Variants in VPS51 observed in about 807,000 individuals in gnomAD.
The protein encoded by VPS51 is vacuolar protein sorting-associated protein 51 homolog.
A neutral mutation model predicts 65.1 loss-of-function variants in VPS51; 55 were observed. The observed-to-expected ratio is 0.84, with a 90% CI of 0.68 to 1.06. The LOEUF (loss-of-function observed/expected upper bound fraction) is 1.06, where lower values mean the gene tolerates loss of function less well. Ranked by LOEUF, VPS51 falls within the 50% of genes least tolerant of loss-of-function variation. VPS51 has a pLI of 0.00. For synonymous variants in VPS51, 473 were observed against 489.5 expected, an observed-to-expected ratio of 0.97 and a Z score of 0.44; for missense variants, 943 against 1,101.6, an observed-to-expected ratio of 0.86 and a Z score of 2.04.
intron 7 of VPS51, 151 bp from the exon 8 acceptor site, chr11:65,110,331 C>A: frequency 7.5e-7 from 1 of 1,327,612 alleles, no homozygotes; most frequent in Non-Finnish European, 1.1e-6. Flanking sequence ...CTATAAATAG[C>A]GACCATGTAC....
Position 65,110,539 on chromosome 11 carries a change from A to G in VPS51, c.1936A>G (p.Arg646Gly), listed in dbSNP as rs1407092714. The change falls in exon 8 of 10, where the codon AGG becomes GGG. Residue 646 changes from arginine (R) to glycine (G), a missense_variant. By Grantham distance (125) the Arg-to-Gly change is moderately radical. This residue lies in a region of VPS51 where 855 missense variants were observed against 953.7 expected (regional missense o/e 0.90). Coordinates refer to ENST00000279281, the MANE Select transcript of VPS51 (RefSeq NM_013265.4). Reference sequence around the variant, plus strand: ...GGCCCAGAGCAGCGACTCCAGCAAGAGGACTTTCTCCGTGTACAGCAGCTC... The same window carrying G: ...GGCCCAGAGCAGCGACTCCAGCAAGGGGACTTTCTCCGTGTACAGCAGCTC... Reference protein sequence around the residue: ...RKAQSSDSSKRTFSVYSSSRQ... With the variant: ...RKAQSSDSSKGTFSVYSSSRQ... The G allele has an allele frequency of 6.2e-7, 1 of 1,614,064 alleles. No individual in the cohort carries two copies. Among genetic ancestry groups the G allele is most frequent in the Admixed American group, 1.7e-5 (1 of 60,030 alleles).
intron 2 of VPS51, among the ~76,000 whole-genome samples, chr11:65,105,976 A>G: frequency 6.6e-6 from 1 of 152,230 alleles, no homozygotes; most frequent in East Asian, 1.9e-4. Context: ...GAGCCTCCAG[A>G]GCTGAGATCG....
intron 7 of VPS51, 125 bp from the exon 8 acceptor site, chr11:65,110,357 C>A: frequency 6.6e-7 from 1 of 1,514,334 alleles, no homozygotes; most frequent in Non-Finnish European, 9.0e-7. Context: ...AAATAGCGGG[C>A]CCCGCGGTGA....
Position 65,109,752 on chromosome 11 carries a change from G to A in VPS51, c.1707G>A (p.Arg569=), listed in dbSNP as rs1422339929. 13 of 1,596,208 alleles carry A rather than the reference G, an allele frequency of 8.1e-6. No homozygotes were observed. Among genetic ancestry groups the A allele is most frequent in the African/African-American group, 1.3e-5 (1 of 74,776 alleles). Residue 569 remains arginine, a synonymous_variant, in exon 7 of 10, where the codon AGG becomes AGA. Transcript: ENST00000279281. ...TPVSTLCAEA[R]ETARRLLTHY... ...TGAGCACGCTGTGTGCAGAGGCCAG[G>A]GAAACGGCGCGGCGGCTGCTGACCC...
Position 65,096,316 on chromosome 11 carries a change from C to G in VPS51, c.66C>G (p.Pro22=), listed in dbSNP as rs1947767717. The change falls in exon 1 of 10, where the codon CCC becomes CCG. Residue 22 remains proline, a synonymous_variant. Transcript: ENST00000279281. The part of the protein sequence containing the change: ...GSGPGDSPEG[P]EGEAPERRRK... Reference sequence around the variant, plus strand: ...GACCTGGGGACTCCCCAGAAGGGCCCGAGGGGGAGGCTCCGGAGCGTCGGC... The same window carrying G: ...GACCTGGGGACTCCCCAGAAGGGCCGGAGGGGGAGGCTCCGGAGCGTCGGC... 1.3e-6 allele frequency: 2 copies of G among 1,507,332 alleles called. No individual in the cohort carries two copies. The highest frequency in any genetic ancestry group is 2.9e-5 in the African/African-American group (2 of 69,434). The allele number at this position is 1,507,332 out of a possible 1,614,324, so 93.4% of individuals were successfully genotyped here. A position where few individuals can be genotyped will look rare whatever the true frequency, so the allele number is the denominator to read the frequency against.
chr11:65,105,050 C>T (rs1052985781), intron 2 of VPS51, among the ~76,000 whole-genome samples: 1 of 152,178 alleles, frequency 6.6e-6, no homozygotes, highest in African/African-American at 2.4e-5. Context: ...TGGTATTTTA[C>T]CCATGCTGCA....
chr11:65,107,915 G>A lies in VPS51; in HGVS notation c.618G>A (p.Ala206=), dbSNP rs547175206. 1.2e-5 allele frequency: 19 copies of A among 1,555,184 alleles called. No individual in the cohort carries two copies. In the African/African-American group the frequency reaches 1.9e-4, roughly 16 times the overall value. The change falls in exon 4 of 10, where the codon GCG becomes GCA. Residue 206 remains alanine (A), a synonymous_variant. Transcript: ENST00000279281. This position sits in a 1 kb window ranked among gnomAD's most constrained non-coding sequence, Gnocchi z 4.0. ...YGQAVRYQGR[A]QAVLQQYQHL... is the part of the protein sequence containing the mutation. ...AGGCGGTGCGCTACCAGGGCCGCGC[G>A]CAGGCCGTGCTGCAGCAGTACCAAC...
chr11:65,097,992 G>A (rs2137179115), intron 2 of VPS51, among the ~76,000 whole-genome samples: 1 of 152,250 alleles, frequency 6.6e-6, no homozygotes, highest in East Asian at 1.9e-4. Context: ...GACCAGCCTG[G>A]CCAATATGGT....
chr11:65,101,920 C>T (rs919315735), intron 2 of VPS51, among the ~76,000 whole-genome samples: 12 of 151,922 alleles, frequency 7.9e-5, no homozygotes, highest in African/African-American at 2.9e-4. Context: ...CCTGAGCCTC[C>T]TACCAGTTAC....
intron 1 of VPS51, chr11:65,096,755 C>CGGGGCTG (rs1947773022): frequency 1.5e-6 from 1 of 670,502 alleles, no homozygotes; most frequent in Non-Finnish European, 2.5e-6. Context: ...TTGACAGGCG[C>CGGGGCTG]GGGGCTGGGC....
At chr11:65,097,921 C>T (rs1947781749) in intron 2 of VPS51, among the ~76,000 whole-genome samples, 1 of 152,094 alleles carries the variant, frequency 6.6e-6, no homozygotes. Context: ...GTGGCTCATG[C>T]CTGTAATCCC....
rs1185349714 is a variant in VPS51, at chr11:65,109,860, G to T, written c.1815G>T (p.Glu605Asp). Residue 605 changes from glutamate to aspartate, a missense_variant, in exon 7 of 10, where the codon GAG becomes GAT. Transcript: ENST00000279281. Reference sequence around the variant, plus strand: ...CTCGCGACTGGCTCAGCACTCTGGAGCCCCGGAATGTGCGGGCCGTCATGA... The same window carrying T: ...CTCGCGACTGGCTCAGCACTCTGGATCCCCGGAATGTGCGGGCCGTCATGA... ...VETRDWLSTLEPRNVRAVMKR... is the reference protein window; with the variant it reads ...VETRDWLSTLDPRNVRAVMKR... The T allele has an allele frequency of 6.2e-7, 1 of 1,611,876 alleles. No homozygotes were observed.
At position 65,096,428 on chromosome 11, in the gene VPS51, C is replaced by A. The variant is rs781448808; in HGVS notation, c.178C>A (p.Pro60Thr). The change falls in exon 1 of 10, where the codon CCG (proline) becomes ACG (threonine). Residue 60 changes from proline (P) to threonine (T), a missense_variant. Coordinates refer to ENST00000279281, the MANE Select transcript of VPS51 (RefSeq NM_013265.4). ...GRPAGPDPLDPTDLNGAHFDP... is the reference protein window; with the variant it reads ...GRPAGPDPLDTTDLNGAHFDP... ...CCCCGCGGGGCCCGACCCCCTGGACCCGACTGATCTGAACGGGGCGCACTT... is the reference window on the plus strand; with the variant it reads ...CCCCGCGGGGCCCGACCCCCTGGACACGACTGATCTGAACGGGGCGCACTT... The A allele has an allele frequency of 1.9e-6, 3 of 1,557,374 alleles. No individual in the cohort carries two copies. Among genetic ancestry groups the A allele is most frequent in the Non-Finnish European group, 2.6e-6 (3 of 1,159,356 alleles).
chr11:65,104,982 G>A (rs1947832147), intron 2 of VPS51, among the ~76,000 whole-genome samples: 2 of 152,122 alleles, frequency 1.3e-5, no homozygotes, highest in Admixed American at 6.5e-5. Context: ...TATTTTTGTA[G>A]CAAATTATCC....
chr11:65,105,829 A>G (rs1947838174), intron 2 of VPS51, among the ~76,000 whole-genome samples: 1 of 152,232 alleles, frequency 6.6e-6, no homozygotes, highest in Admixed American at 6.5e-5. Context: ...GGAGTGGCTC[A>G]CAGAGCTCAG....
At position 65,109,862 on chromosome 11, in the gene VPS51, C is replaced by T. The variant is rs1157616504; in HGVS notation, c.1817C>T (p.Pro606Leu). The change falls in exon 7 of 10, where the codon CCC becomes CTC. Residue 606 changes from proline to leucine, a missense_variant. By Grantham distance (98) the Pro-to-Leu change is moderately conservative. Coordinates refer to ENST00000279281, the MANE Select transcript of VPS51 (RefSeq NM_013265.4). ...CGCGACTGGCTCAGCACTCTGGAGC[C>T]CCGGAATGTGCGGGCCGTCATGAAG... is the stretch of plus-strand genomic sequence containing the variant. Reference protein sequence around the residue: ...ETRDWLSTLEPRNVRAVMKRV... With the variant: ...ETRDWLSTLELRNVRAVMKRV... The T allele has an allele frequency of 1.9e-6, 3 of 1,611,892 alleles. No individual in the cohort carries two copies. Among genetic ancestry groups the T allele is most frequent in the Non-Finnish European group, 2.5e-6 (3 of 1,179,654 alleles).
In VPS51 at chr11:65,110,282, C is replaced by T. The variant is rs1331035207; in HGVS notation, c.1879-200C>T. On this transcript the variant is annotated intron_variant, in intron 7 of 9. Coordinates refer to ENST00000279281, the MANE Select transcript of VPS51 (RefSeq NM_013265.4). ...CTGGTGCTGAAGATTAGACCTCAGA[C>T]CAACTCTTGTATCCTGCCTTTGCCC... 6.6e-6 allele frequency: 6 copies of T among 916,020 alleles called. No homozygotes were observed. The African/African-American group carries it at 6.7e-5, about 10-fold the overall frequency. 56.7% of individuals were successfully genotyped at this position (916,020 alleles called of 1,614,324 possible). A position where few individuals can be genotyped will look rare whatever the true frequency, so the allele number is the denominator to read the frequency against.
At chr11:65,105,947 C>T (rs1947838835) in intron 2 of VPS51, among the ~76,000 whole-genome samples, 1 of 152,200 alleles carries the variant, frequency 6.6e-6, no homozygotes, top group Non-Finnish European at 1.5e-5. Context: ...ATGCCCTCCC[C>T]GGGCGTGCCA....
intron 2 of VPS51, 178 bp downstream of exon 2, chr11:65,097,305 T>C: frequency 1.1e-6 from 1 of 925,978 alleles, no homozygotes; most frequent in Non-Finnish European, 1.6e-6. Context: ...ATAGAGATAA[T>C]AGCTACTCTC....
Sources: gnomAD v4.1 joint callset for allele counts (sites outside exome capture counted in the v4.1 genomes callset) on GRCh38, gnomAD v4.1.1 for gene constraint, gnomAD v4.1.1 regional missense constraint, Gnocchi (gnomAD v3.1) non-coding constraint, MANE v1.5 for transcripts, NCBI Gene and HGNC (gene_info 2026-07-23, HGNC 2026-07-21) for gene names.